The following PSD3 variants were observed in gnomAD, a reference collection of about 807,000 sequenced individuals.
PSD3 encodes pleckstrin and Sec7 domain containing 3, also known as PH and SEC7 domain-containing protein 3.
A neutral mutation model predicts 105.5 loss-of-function variants in PSD3; 49 were observed. The ratio of observed to expected loss-of-function variants is 0.46; its 90% CI spans 0.37 to 0.59. The LOEUF is 0.59. PSD3 is among the 20% of genes least tolerant of loss of function. The probability of loss-of-function intolerance (pLI) is 0.00; values close to 1 mark genes in which losing one functional copy is unlikely to be tolerated. For missense variants in PSD3, 1,561 were observed against 1,263.8 expected (o/e 1.24, Z -3.57); for synonymous variants, 557 against 457.8 (o/e 1.22, Z -2.77).
intron 1 of PSD3, among the ~76,000 whole-genome samples, chr8:19,032,267 C>T (rs1196980649): frequency 6.6e-6 from 1 of 152,100 alleles, no homozygotes. Flanking sequence ...CCCCAACAAA[C>T]ACACACACAT....
At chr8:18,888,433 T>G (rs1818573474) in intron 2 of PSD3, among the ~76,000 whole-genome samples, 1 of 151,940 alleles carries the variant, frequency 6.6e-6, no homozygotes, top group Non-Finnish European at 1.5e-5. Flanking sequence ...ACTTTCCAAT[T>G]ATGTTACCTT....
intron 8 of PSD3, among the ~76,000 whole-genome samples, chr8:18,781,459 T>A (rs979460690): frequency 6.6e-5 from 10 of 152,208 alleles, no homozygotes; most frequent in African/African-American, 1.9e-4. Context: ...TCTAAGAAAC[T>A]GAATTTGTCA....
chr8:18,826,954 A>G (rs1813241553), intron 4 of PSD3, among the ~76,000 whole-genome samples: 1 of 152,196 alleles, frequency 6.6e-6, no homozygotes, highest in South Asian at 2.1e-4. Context: ...GAATGGTATG[A>G]TAATAGTATC....
intron 9 of PSD3, among the ~76,000 whole-genome samples, chr8:18,662,903 G>C (rs912771928): frequency 6.6e-6 from 1 of 152,172 alleles, no homozygotes; most frequent in South Asian, 2.1e-4. Context: ...ACAAGAATAG[G>C]AGAGGGAGTG....
At chr8:18,621,932 T>C (rs1806145944) in intron 11 of PSD3, among the ~76,000 whole-genome samples, 1 of 152,208 alleles carries the variant, frequency 6.6e-6, no homozygotes, top group Admixed American at 6.5e-5. Flanking sequence ...TTATAAACTA[T>C]TTTCAGTATG....
chr8:18,961,805 T>C (rs559776064), intron 1 of PSD3, among the ~76,000 whole-genome samples: 1 of 152,234 alleles, frequency 6.6e-6, no homozygotes. Context: ...AAATCAGATA[T>C]ACCGCCTAAC....
chr8:18,652,574 T>C lies in PSD3; in HGVS notation c.2216+3068A>G, dbSNP rs887365410. 4.3e-5 allele frequency among the ~76,000 whole-genome samples: 6 copies of C among 141,170 alleles called. No individual in the cohort carries two copies. In the Admixed American group the frequency reaches 4.6e-4, roughly 11 times the overall value. 92.6% of individuals were successfully genotyped at this position (141,170 alleles called of 152,430 possible). ...GTATAGTGGCACAATCTCAGCTCAC[T>C]GCAACCTCTGTTTCTTGGGTTCAAG... On this transcript the variant is annotated intron_variant, in intron 10 of 15. Coordinates refer to ENST00000327040, the MANE Select transcript of PSD3 (RefSeq NM_015310.4).
chr8:19,070,233 G>A (rs545978477), intron 1 of PSD3, among the ~76,000 whole-genome samples: 71 of 152,208 alleles, frequency 4.7e-4, no homozygotes, highest in African/African-American at 1.7e-3. Context: ...CGTTTTTAAT[G>A]TGATACGCCT....
chr8:18,935,709 C>A (rs1456631115), intron 2 of PSD3, among the ~76,000 whole-genome samples: 53 of 126,106 alleles, frequency 4.2e-4, no homozygotes, highest in African/African-American at 1.2e-3. Context: ...AAAAAAAAAA[C>A]CACCAAAAAT....
intron 15 of PSD3, among the ~76,000 whole-genome samples, chr8:18,539,322 T>C (rs765550170): frequency 1.3e-5 from 2 of 152,138 alleles, no homozygotes; most frequent in Admixed American, 1.3e-4. Context: ...AACTGAAATT[T>C]CTCTCTTCAT....
At chr8:18,781,337 T>C (rs1038906346) in intron 8 of PSD3, among the ~76,000 whole-genome samples, 15 of 152,238 alleles carry the variant, frequency 9.9e-5, no homozygotes, top group African/African-American at 3.4e-4. Context: ...TTCTATGGCA[T>C]ATAAGCCCTA....
chr8:18,709,059 T>G (rs1000374259), intron 9 of PSD3, among the ~76,000 whole-genome samples: 8 of 152,086 alleles, frequency 5.3e-5, no homozygotes, highest in African/African-American at 1.9e-4. Context: ...CAGCAGCTGC[T>G]CGGGTTGTGG....
rs368682788 is a variant in PSD3 at position 18,834,877 on chromosome 8, G to A, written c.1635-29979C>T. Among the ~76,000 whole-genome samples, 118 of 152,238 alleles carry A rather than the reference G, an allele frequency of 7.8e-4. 2 individuals are homozygous for A. In the South Asian group the frequency reaches 0.024, roughly 31 times the overall value. ...CCATCCAATACAATTAATTCAAGTA[G>A]GTTTACAGTCCACTGCAACCAGAGT... On this transcript the variant is annotated intron_variant, in intron 4 of 15. Transcript: ENST00000327040.
At chr8:19,021,993 G>A (rs1586637748) in intron 1 of PSD3, among the ~76,000 whole-genome samples, 1 of 152,222 alleles carries the variant, frequency 6.6e-6, no homozygotes, top group Non-Finnish European at 1.5e-5. Flanking sequence ...TATAAGCAGA[G>A]CACCAACATC....
intron 1 of PSD3, among the ~76,000 whole-genome samples, chr8:19,020,874 A>G (rs1431816267): frequency 6.6e-6 from 1 of 152,224 alleles, no homozygotes; most frequent in Non-Finnish European, 1.5e-5. Context: ...TGTGGAAGTA[A>G]CAAGATTTAG....
At chr8:18,740,468 C>T (rs1431763798) in intron 9 of PSD3, among the ~76,000 whole-genome samples, 2 of 152,092 alleles carry the variant, frequency 1.3e-5, no homozygotes, top group African/African-American at 4.8e-5. Flanking sequence ...ACCTTCAGTC[C>T]TGTTCTCTAA....
chr8:18,576,128 G>A (rs7830813), intron 12 of PSD3, among the ~76,000 whole-genome samples: 47,003 of 151,902 alleles, frequency 0.31, 7,678 homozygotes, highest in East Asian at 0.45. Context: ...CAAAAACAAT[G>A]CCAGTCCTCC....
intron 9 of PSD3, among the ~76,000 whole-genome samples, chr8:18,738,823 G>GAA (rs527706318): frequency 0.034 from 5,056 of 148,470 alleles, 200 homozygotes; most frequent in East Asian, 0.15. Flanking sequence ...CACCCGCTCC[G>GAA]AAAAAAAAAA....
intron 9 of PSD3, among the ~76,000 whole-genome samples, chr8:18,740,708 A>G (rs1328593010): frequency 2.0e-5 from 3 of 152,166 alleles, no homozygotes; most frequent in African/African-American, 7.2e-5. Context: ...CAGGTACTTA[A>G]ATCCCAAAAG....
Sources: allele counts gnomAD v4.1 joint callset (sites outside exome capture counted in the v4.1 genomes callset), GRCh38; gene constraint gnomAD v4.1.1; transcripts MANE v1.5; gene names NCBI Gene and HGNC (gene_info 2026-07-23, HGNC 2026-07-21).